ADAM22: variants seen among roughly 807,000 people sequenced by gnomAD.
ADAM22 encodes disintegrin and metalloproteinase domain-containing protein 22.
In ADAM22, 65 loss-of-function variants were observed where a neutral mutation model predicts 144.6. The ratio of observed to expected loss-of-function variants is 0.45; its 90% CI spans 0.37 to 0.55. The LOEUF (loss-of-function observed/expected upper bound fraction) is 0.55, where lower values mean the gene tolerates loss of function less well. Ranked by LOEUF, ADAM22 falls within the 20% of genes least tolerant of loss-of-function variation. The pLI is 0.00. For missense variants in ADAM22, 974 were observed against 1,184.9 expected, an observed-to-expected ratio of 0.82 and a Z score of 2.61; for synonymous variants, 391 against 412.6, an observed-to-expected ratio of 0.95 and a Z score of 0.63.
chr7:88,148,941 C>G (rs913074933), intron 17 of ADAM22, 36 bp from the exon 18 acceptor site: 1 of 1,505,614 alleles, frequency 6.6e-7, no homozygotes, highest in African/African-American at 1.4e-5. Flanking sequence ...TTTTTTTCTC[C>G]CTACAGTTTC....
At chr7:88,135,104 C>G (rs965875974) in intron 13 of ADAM22, among the ~76,000 whole-genome samples, 17 of 151,268 alleles carry the variant, frequency 1.1e-4, no homozygotes, top group African/African-American at 3.6e-4. Context: ...ATGGTGAAAC[C>G]CTGTCTATAC....
At chr7:88,150,585 G>T (rs543933465) in intron 18 of ADAM22, among the ~76,000 whole-genome samples, 66 of 152,116 alleles carry the variant, frequency 4.3e-4, no homozygotes, top group Middle Eastern at 3.4e-3. Flanking sequence ...TTTGTTTATT[G>T]TCCCCTTCTC....
intron 4 of ADAM22, among the ~76,000 whole-genome samples, chr7:88,104,989 A>G (rs1175777734): frequency 1.3e-5 from 2 of 152,142 alleles, no homozygotes; most frequent in Non-Finnish European, 2.9e-5. Flanking sequence ...ATTGTTTTCC[A>G]TTATTGAATC....
intron 3 of ADAM22, among the ~76,000 whole-genome samples, chr7:88,024,460 A>G (rs371162343): frequency 6.6e-6 from 1 of 152,138 alleles, no homozygotes; most frequent in Non-Finnish European, 1.5e-5. Flanking sequence ...ACACTTTTTC[A>G]TATGCCTGTT....
intron 23 of ADAM22, among the ~76,000 whole-genome samples, chr7:88,165,578 T>C (rs899168821): frequency 6.7e-6 from 1 of 150,362 alleles, no homozygotes; most frequent in Non-Finnish European, 1.5e-5. Flanking sequence ...ATAATTTCTT[T>C]GATTTTTTTT....
intron 2 of ADAM22, among the ~76,000 whole-genome samples, chr7:87,968,208 A>G (rs1050050170): frequency 6.6e-6 from 1 of 152,150 alleles, no homozygotes; most frequent in African/African-American, 2.4e-5. Context: ...GGCTTTCAAG[A>G]TAAGGAGGGC....
intron 3 of ADAM22, among the ~76,000 whole-genome samples, chr7:88,018,342 C>G (rs1206168092): frequency 2.0e-5 from 3 of 151,974 alleles, no homozygotes; most frequent in African/African-American, 7.3e-5. Flanking sequence ...TTCCTTAAAA[C>G]TTTGTTAATA....
chr7:88,184,964 C>T (rs766499081), intron 29 of ADAM22, among the ~76,000 whole-genome samples: 3 of 152,316 alleles, frequency 2.0e-5, no homozygotes, highest in Non-Finnish European at 2.9e-5. Flanking sequence ...CGGAAGTGGC[C>T]GTCTGCCTGT....
At chr7:88,196,384 A>G in intron 31 of ADAM22, 87 bp from the exon 32 acceptor site, 1 of 1,449,022 alleles carries the variant, frequency 6.9e-7, no homozygotes, top group Non-Finnish European at 9.7e-7. Flanking sequence ...ATATGGATGG[A>G]ATCACTGAAT....
chr7:88,136,386 CA>C (rs1426440141), intron 14 of ADAM22, among the ~76,000 whole-genome samples: 1 of 151,928 alleles, frequency 6.6e-6, no homozygotes, highest in African/African-American at 2.4e-5. Context: ...AATTAGAAAA[CA>C]GCCTGGATTT....
chr7:87,963,308 G>C (rs1256461960), intron 2 of ADAM22, among the ~76,000 whole-genome samples: 3 of 152,120 alleles, frequency 2.0e-5, no homozygotes, highest in Non-Finnish European at 4.4e-5. Flanking sequence ...CCCAGTGGGG[G>C]AAGTTCGGAG....
intron 2 of ADAM22, among the ~76,000 whole-genome samples, chr7:87,957,756 G>C (rs1271829715): frequency 6.6e-6 from 1 of 151,950 alleles, no homozygotes; most frequent in Non-Finnish European, 1.5e-5. Flanking sequence ...CTAATTTTTT[G>C]TATTTTTAGT....
At chr7:88,164,256 A>T (rs1303483461) in intron 23 of ADAM22, among the ~76,000 whole-genome samples, 1 of 152,090 alleles carries the variant, frequency 6.6e-6, no homozygotes, top group Admixed American at 6.6e-5. Context: ...CCATCTTAAG[A>T]TTCTGAAACA....
At chr7:88,108,892 T>G (rs1215846859) in intron 5 of ADAM22, among the ~76,000 whole-genome samples, 1 of 152,120 alleles carries the variant, frequency 6.6e-6, no homozygotes, top group Non-Finnish European at 1.5e-5. Flanking sequence ...AAACAGAGGC[T>G]TTTGAATTTC....
At position 88,088,150 on chromosome 7, in the gene ADAM22, A is replaced by G. The variant is rs1818903854; in HGVS notation, c.390+12458A>G. 8.5e-5 allele frequency among the ~76,000 whole-genome samples: 13 copies of G among 152,286 alleles called. No individual in the cohort carries two copies. In the South Asian group the frequency reaches 2.7e-3, roughly 32 times the overall value. On this transcript the variant is annotated intron_variant, in intron 4 of 31. Transcript: ENST00000413139. ...CTCTGGTGGTAGTATAGTTACATTC[A>G]ATGACATAAAAGTTATATTTATTTA... is the stretch of plus-strand genomic sequence containing the variant.
chr7:88,052,609 T>C (rs1469105111), intron 3 of ADAM22, among the ~76,000 whole-genome samples: 2 of 152,180 alleles, frequency 1.3e-5, no homozygotes, highest in Non-Finnish European at 2.9e-5. Flanking sequence ...AGTACACATA[T>C]CACAAAATTT....
chr7:88,061,154 T>C (rs1049649439), intron 3 of ADAM22, among the ~76,000 whole-genome samples: 1 of 152,130 alleles, frequency 6.6e-6, no homozygotes, highest in Non-Finnish European at 1.5e-5. Context: ...AAATGTAGCA[T>C]TCAGTCACAT....
intron 3 of ADAM22, among the ~76,000 whole-genome samples, chr7:88,003,013 T>C (rs1379106130): frequency 6.6e-6 from 1 of 152,204 alleles, no homozygotes; most frequent in Non-Finnish European, 1.5e-5. Flanking sequence ...GCTACACAAA[T>C]TGTGAAATGA....
intron 3 of ADAM22, among the ~76,000 whole-genome samples, chr7:88,019,150 A>G (rs1585050373): frequency 6.6e-6 from 1 of 152,144 alleles, no homozygotes; most frequent in Non-Finnish European, 1.5e-5. Context: ...GCACTGACCC[A>G]GAAAGAATAT....
Sources: gnomAD v4.1 joint callset for allele counts (sites outside exome capture counted in the v4.1 genomes callset) on GRCh38, gnomAD v4.1.1 for gene constraint, MANE v1.5 for transcripts, NCBI Gene and HGNC (gene_info 2026-07-23, HGNC 2026-07-21) for gene names.